Variants in CCDC91 observed in about 807,000 individuals in gnomAD.
CCDC91 encodes coiled-coil domain-containing protein 91.
In CCDC91, 48 loss-of-function variants were observed where a neutral mutation model predicts 63.2. That is an observed-to-expected ratio of 0.76 (90% CI 0.60 to 0.97). The LOEUF (loss-of-function observed/expected upper bound fraction) is 0.97. Among genes scored for constraint, CCDC91 ranks in the 50% least tolerant of loss-of-function variants. The pLI, the probability that CCDC91 is intolerant of heterozygous loss-of-function variation, is 0.00. For missense variants in CCDC91, 500 were observed against 494.6 expected, an observed-to-expected ratio of 1.01 and a Z score of -0.10; for synonymous variants, 167 against 165.8, an observed-to-expected ratio of 1.01 and a Z score of -0.06.
At chr12:28,345,417 C>T (rs563468136) in intron 6 of CCDC91, among the ~76,000 whole-genome samples, 1 of 151,934 alleles carries the variant, frequency 6.6e-6, no homozygotes, top group Non-Finnish European at 1.5e-5. Context: ...CTATATTGAA[C>T]ATTTAAGTGT....
Position 28,323,224 on chromosome 12 carries a change from G to T in CCDC91, c.576+15475G>T, listed in dbSNP as rs925395549. On this transcript the variant is annotated intron_variant, in intron 6 of 12. Transcript: ENST00000536442. ...GTTAGTCTCTTATATATGAGTTTTG[G>T]GTTAGAAAATATTTGTCTATGTTCA... 4.0e-5 allele frequency among the ~76,000 whole-genome samples: 6 copies of T among 151,184 alleles called. No homozygotes were observed. The East Asian group carries it at 7.8e-4, about 20-fold the overall frequency.
At chr12:28,198,396 A>G (rs920564923) in intron 1 of CCDC91, among the ~76,000 whole-genome samples, 1 of 152,240 alleles carries the variant, frequency 6.6e-6, no homozygotes, top group African/African-American at 2.4e-5. Context: ...CATCAGTAAA[A>G]GATAGTGATT....
intron 8 of CCDC91, among the ~76,000 whole-genome samples, chr12:28,440,475 T>A (rs530735506): frequency 6.6e-6 from 1 of 152,226 alleles, no homozygotes; most frequent in Non-Finnish European, 1.5e-5. Context: ...ATGTAAAAGC[T>A]CTTAGAAGAA....
intron 12 of CCDC91, among the ~76,000 whole-genome samples, chr12:28,538,238 T>A (rs34573424): frequency 0.08 from 11,659 of 145,930 alleles, 1,625 homozygotes; most frequent in African/African-American, 0.28. Context: ...GTATATCTCC[T>A]AATGCTATCC....
At chr12:28,228,906 G>A (rs1316263228) in intron 1 of CCDC91, among the ~76,000 whole-genome samples, 1 of 152,040 alleles carries the variant, frequency 6.6e-6, no homozygotes, top group East Asian at 1.9e-4. Flanking sequence ...TGTACATTTT[G>A]TACATATATG....
chr12:28,526,734 C>T (rs1374717873), intron 12 of CCDC91, among the ~76,000 whole-genome samples: 1 of 152,088 alleles, frequency 6.6e-6, no homozygotes, highest in African/African-American at 2.4e-5. Flanking sequence ...TCCTCAGGAA[C>T]ACCGATTATT....
intron 8 of CCDC91, among the ~76,000 whole-genome samples, chr12:28,443,757 T>A (rs567434844): frequency 8.5e-5 from 13 of 152,296 alleles, no homozygotes; most frequent in South Asian, 2.1e-4. Context: ...GAACATTTTT[T>A]AAAAATCTGT....
At chr12:28,296,388 C>T (rs1206776661) in intron 3 of CCDC91, among the ~76,000 whole-genome samples, 7 of 151,570 alleles carry the variant, frequency 4.6e-5, no homozygotes, top group East Asian at 1.9e-4. Context: ...CTCAAAGAAG[C>T]GAGTAGAGGT....
In CCDC91 at chr12:28,299,520, C is replaced by G. The variant is rs541103721; in HGVS notation, c.110-6129C>G. Among the ~76,000 whole-genome samples, 10 of 151,576 alleles carry G rather than the reference C, an allele frequency of 6.6e-5. 1 individual carries two copies. The East Asian group carries it at 1.9e-3, about 29-fold the overall frequency. The stretch of plus-strand genomic sequence containing the variant: ...TATTCTGTTTTAGGATTTCTCATTC[C>G]CCTGCCTGTTGATTTCATTTTTCTT... On this transcript the variant is annotated intron_variant, in intron 3 of 12. Coordinates refer to ENST00000536442, the MANE Select transcript of CCDC91 (RefSeq NM_018318.5).
intron 8 of CCDC91, among the ~76,000 whole-genome samples, chr12:28,432,487 ACTTG>A (rs1463363047): frequency 6.6e-6 from 1 of 152,022 alleles, no homozygotes; most frequent in Non-Finnish European, 1.5e-5. Context: ...GCCACGTAAG[ACTTG>A]CTTGCTTCCC....
chr12:28,520,185 C>T (rs1056933153), intron 12 of CCDC91, among the ~76,000 whole-genome samples: 3 of 152,136 alleles, frequency 2.0e-5, no homozygotes, highest in Admixed American at 2.0e-4. Context: ...ACAGTCCCAC[C>T]AACAGTGTAA....
chr12:28,385,555 G>C (rs1379897401), intron 7 of CCDC91, among the ~76,000 whole-genome samples: 1 of 152,100 alleles, frequency 6.6e-6, no homozygotes, highest in South Asian at 2.1e-4. Flanking sequence ...CATTTGTAAA[G>C]TATGACTTAA....
At chr12:28,214,883 G>C (rs964914051) in intron 1 of CCDC91, among the ~76,000 whole-genome samples, 7 of 152,162 alleles carry the variant, frequency 4.6e-5, no homozygotes, top group African/African-American at 1.7e-4. Context: ...TGTGTGCCAA[G>C]TGGACTTGTG....
intron 12 of CCDC91, among the ~76,000 whole-genome samples, chr12:28,539,796 G>A (rs1942492602): frequency 6.6e-6 from 1 of 152,070 alleles, no homozygotes; most frequent in South Asian, 2.1e-4. Flanking sequence ...GGTTCCCTCA[G>A]TAGGATAAAT....
At position 28,526,603 on chromosome 12, in the gene CCDC91, G is replaced by T. The variant is rs897881805; in HGVS notation, c.1216-22460G>T. On this transcript the variant is annotated intron_variant, in intron 12 of 12. Transcript: ENST00000536442. ...GCCTAGGTGATTATCTTTTTATGAT[G>T]AATTTCCCAGGTGTTGTTTGAGCCT... Among the ~76,000 whole-genome samples the T allele has an allele frequency of 2.0e-5, 3 of 152,060 alleles. No individual in the cohort carries two copies. In the South Asian group the frequency reaches 6.2e-4, roughly 31 times the overall value.
chr12:28,407,676 A>AG (rs1358644134), intron 8 of CCDC91, among the ~76,000 whole-genome samples: 1 of 152,158 alleles, frequency 6.6e-6, no homozygotes, highest in Non-Finnish European at 1.5e-5. Context: ...GAATAAATTT[A>AG]GGGAGAACTG....
chr12:28,367,811 T>C (rs930451221), intron 7 of CCDC91, among the ~76,000 whole-genome samples: 1 of 152,128 alleles, frequency 6.6e-6, no homozygotes, highest in African/African-American at 2.4e-5. Flanking sequence ...AAGATTAACA[T>C]TTACATCTGT....
Position 28,306,886 on chromosome 12 carries a change from A to C in CCDC91, c.412A>C (p.Ile138Leu). Residue 138 changes from isoleucine to leucine, a missense_variant, in exon 5 of 13, where the codon ATT (isoleucine) becomes CTT (leucine). Transcript: ENST00000536442. The stretch of plus-strand genomic sequence containing the variant: ...ATCTAACATACAGCTTCAGCAAAAA[A>C]TTTCAAGTCTGGAGATTAAACTCAA... ...NVSNIQLQQKISSLEIKLKVS... is the reference protein window; with the variant it reads ...NVSNIQLQQKLSSLEIKLKVS... 1 of 1,612,294 alleles carries C rather than the reference A, an allele frequency of 6.2e-7. No individual in the cohort carries two copies. The highest frequency in any genetic ancestry group is 8.5e-7 in the Non-Finnish European group (1 of 1,178,794).
chr12:28,375,335 T>G (rs1434860800), intron 7 of CCDC91, among the ~76,000 whole-genome samples: 1 of 151,328 alleles, frequency 6.6e-6, no homozygotes, highest in Non-Finnish European at 1.5e-5. Context: ...ATTGCAATAC[T>G]TTTTCATTAT....
Sources: gnomAD v4.1 joint callset for allele counts (sites outside exome capture counted in the v4.1 genomes callset) on GRCh38, gnomAD v4.1.1 for gene constraint, MANE v1.5 for transcripts, NCBI Gene and HGNC (gene_info 2026-07-23, HGNC 2026-07-21) for gene names.